The following CDHR2 variants were observed in gnomAD, a reference collection of about 807,000 sequenced individuals.
The protein encoded by CDHR2 is cadherin related family member 2, also known as cadherin-related family member 2.
Under a neutral mutation model 138.6 loss-of-function variants are expected in CDHR2, and 104 were observed. The ratio of observed to expected loss-of-function variants is 0.75; its 90% confidence interval spans 0.64 to 0.88. CDHR2 has a LOEUF of 0.88. CDHR2 is among the 40% of genes least tolerant of loss of function. CDHR2 has a pLI of 0.00. For synonymous variants in CDHR2, 755 were observed against 742.8 expected, an observed-to-expected ratio of 1.02 and a Z score of -0.27; for missense variants, 1,624 against 1,727.6, an observed-to-expected ratio of 0.94 and a Z score of 1.06.
Position 176,581,515 on chromosome 5 carries a change from CAG to C in CDHR2, c.1992_1993del (p.Val665AlafsTer4). The C allele has an allele frequency of 1.2e-6, 2 of 1,614,178 alleles. No individual in the cohort carries two copies. Among genetic ancestry groups the C allele is most frequent in the Non-Finnish European group, 1.7e-6 (2 of 1,180,034 alleles). The stretch of plus-strand genomic sequence containing the variant: ...GCCCTGGAGGGCCGCATTGTGCTGA[CAG>C]TGCTTGTGTCTGACTGCGGCGAGCC... On this transcript the variant is annotated frameshift_variant, in exon 17 of 32. Coordinates refer to ENST00000261944, the MANE Select transcript of CDHR2 (RefSeq NM_017675.6). LOFTEE classifies it high-confidence loss of function.
intron 15 of CDHR2, 63 bp from the exon 16 acceptor site, chr5:176,578,302 T>G: frequency 6.7e-7 from 1 of 1,490,348 alleles, no homozygotes; most frequent in Non-Finnish European, 9.2e-7. Context: ...GTTGTATATC[T>G]GAAATTCACA....
At chr5:176,564,548 G>C (rs551944009) in intron 1 of CDHR2, among the ~76,000 whole-genome samples, 1 of 152,198 alleles carries the variant, frequency 6.6e-6, no homozygotes, top group African/African-American at 2.4e-5. Context: ...GTGAATCAAA[G>C]TCCCCCTTTT....
chr5:176,568,749 A>G lies in CDHR2; in HGVS notation c.196A>G (p.Asn66Asp). Residue 66 changes from asparagine to aspartate, a missense_variant, in exon 4 of 32, where the codon AAT becomes GAT. Coordinates refer to ENST00000261944, the MANE Select transcript of CDHR2 (RefSeq NM_017675.6). The part of the protein sequence containing the change: ...DPLTYGMSGP[N>D]AYFFAVTPKT... ...TCTGACCTATGGGATGAGCGGCCCC[A>G]ATGCCTACTTCTTCGCTGTCACTCC... 1.2e-6 allele frequency: 2 copies of G among 1,614,180 alleles called. No homozygotes were observed. Among genetic ancestry groups the G allele is most frequent in the Non-Finnish European group, 1.7e-6 (2 of 1,180,018 alleles).
intron 1 of CDHR2, among the ~76,000 whole-genome samples, chr5:176,557,568 T>C (rs2113263070): frequency 6.7e-6 from 1 of 148,702 alleles, no homozygotes; most frequent in East Asian, 2.0e-4. Flanking sequence ...AGATTTTTTT[T>C]TTTTTTTTTT....
At chr5:176,545,463 A>C (rs1224918817), upstream of CDHR2, among the ~76,000 whole-genome samples, 1 of 152,222 alleles carries the variant, frequency 6.6e-6, no homozygotes, top group East Asian at 1.9e-4. Context: ...CTGATTAAAA[A>C]AAATTTTAAG....
chr5:176,574,153 T>G lies in CDHR2; in HGVS notation c.476T>G (p.Val159Gly). 6 of 1,613,656 alleles carry G rather than the reference T, an allele frequency of 3.7e-6. No homozygotes were observed. Among genetic ancestry groups the G allele is most frequent in the Non-Finnish European group, 5.1e-6 (6 of 1,179,698 alleles). Residue 159 changes from valine (V) to glycine (G), a missense_variant, in exon 7 of 32, where the codon GTC (valine) becomes GGC (glycine). Around this residue, in one of 3 missense-constraint regions of CDHR2, gnomAD observed 1,061 missense variants for 1,136.6 expected, o/e 0.93. Transcript: ENST00000261944. The stretch of plus-strand genomic sequence containing the variant: ...AAAGACATGGGGTCTGCAGGCATGG[T>G]CGTGTACTCCATAGAGAAGGTGAGT... ...VDKDMGSAGM[V>G]VYSIEKVIPS... is the part of the protein sequence containing the mutation.
Position 176,576,137 on chromosome 5 carries a change from C to T in CDHR2, c.1146C>T (p.Pro382=), listed in dbSNP as rs537721550. Residue 382 remains proline (P), a synonymous_variant, in exon 12 of 32, where the codon CCC becomes CCT. Transcript: ENST00000261944. The surrounding 1 kb of genome is among the most constrained non-coding windows in gnomAD (Gnocchi z 4.5). ...FTGYVDEHAS[P]RIPIDDLTMV... ...GCTACGTGGACGAGCATGCCTCCCC[C>T]CGCATCCCCATCGATGACCTCACCA... 2.7e-5 allele frequency: 44 copies of T among 1,614,050 alleles called. 1 individual carries two copies. Among genetic ancestry groups the T allele is most frequent in the South Asian group, 2.3e-4 (21 of 91,086 alleles).
chr5:176,561,357 A>G (rs1757964116), intron 1 of CDHR2, among the ~76,000 whole-genome samples: 1 of 151,960 alleles, frequency 6.6e-6, no homozygotes, highest in African/African-American at 2.4e-5. Context: ...GGTTGCAGTG[A>G]CTCACTGGCT....
At chr5:176,588,440 T>A (rs888629751) in intron 21 of CDHR2, among the ~76,000 whole-genome samples, 4 of 129,208 alleles carry the variant, frequency 3.1e-5, no homozygotes, top group Admixed American at 2.5e-4. Flanking sequence ...TCAGGATAAG[T>A]GTGTGAGTGT....
intron 16 of CDHR2, among the ~76,000 whole-genome samples, chr5:176,580,748 G>A (rs1423664057): frequency 6.8e-6 from 1 of 146,578 alleles, no homozygotes; most frequent in Admixed American, 6.8e-5. Flanking sequence ...GTGGTGGTGG[G>A]TGCCTGTAAT....
chr5:176,549,886 A>G lies in CDHR2; in HGVS notation c.-16+472A>G, dbSNP rs1478301406. Among the ~76,000 whole-genome samples the G allele has an allele frequency of 2.6e-5, 4 of 152,334 alleles. No individual in the cohort carries two copies. The East Asian group carries it at 7.7e-4, about 29-fold the overall frequency. The stretch of plus-strand genomic sequence containing the variant: ...TCATTTATCAAATGGGGATGAGAAG[A>G]GTTCCAGAAAGGGCCTGAAAAGCCC... On this transcript the variant is annotated intron_variant, in intron 1 of 31. Transcript: ENST00000261944.
chr5:176,552,642 G>C (rs1178186096), intron 1 of CDHR2, among the ~76,000 whole-genome samples: 2 of 152,234 alleles, frequency 1.3e-5, no homozygotes, highest in Admixed American at 6.5e-5. Context: ...TTTTCCCCAA[G>C]TGACTGAATC....
chr5:176,592,693 A>C, intron 30 of CDHR2, 30 bp from the exon 31 acceptor site: 1 of 1,610,796 alleles, frequency 6.2e-7, no homozygotes. Context: ...TGGGCCTGCC[A>C]ACACCTGAGC....
rs911556332 is a variant in CDHR2 at position 176,553,298 on chromosome 5, C to T, written c.-16+3884C>T. ...GTTCTGCCCATTACTGGCTGGGCCG[C>T]GCCCTTTCCCCTCTTGGACGTCAGT... is the stretch of plus-strand genomic sequence containing the variant. On this transcript the variant is annotated intron_variant, in intron 1 of 31. Transcript: ENST00000261944. The surrounding 1 kb of genome is among the most constrained non-coding windows in gnomAD (Gnocchi z 4.3). Among the ~76,000 whole-genome samples the T allele has an allele frequency of 2.0e-5, 3 of 152,340 alleles. No homozygotes were observed. The highest frequency in any genetic ancestry group is 2.9e-5 in the Non-Finnish European group (2 of 68,026).
rs147054768 is a variant in CDHR2, at chr5:176,584,966, G to A, written c.2685G>A (p.Arg895=). 6.4e-7 allele frequency: 1 copy of A among 1,564,322 alleles called. No individual in the cohort carries two copies. Among genetic ancestry groups the A allele is most frequent in the Middle Eastern group, 1.7e-4 (1 of 5,996 alleles). ...EACDLVTLVV[R]ACDLATDPGF... ...GTGACCTGGTCACGCTGGTTGTGCG[G>A]GCCTGTGACCTAGCCACGGACCCCG... is the stretch of plus-strand genomic sequence containing the variant. Residue 895 remains arginine (R), a synonymous_variant, in exon 19 of 32, where the codon CGG becomes CGA. Transcript: ENST00000261944.
At chr5:176,594,879 C>T (rs898651577) in intron 31 of CDHR2, among the ~76,000 whole-genome samples, 1 of 151,988 alleles carries the variant, frequency 6.6e-6, no homozygotes, top group Non-Finnish European at 1.5e-5. Flanking sequence ...TGTCGCATGG[C>T]GAGGTGGAAG....
intron 12 of CDHR2, among the ~76,000 whole-genome samples, chr5:176,577,058 C>T (rs1207325497): frequency 4.3e-5 from 5 of 116,614 alleles, no homozygotes; most frequent in Admixed American, 2.2e-4. Context: ...AGTGGGGTGA[C>T]GTAGGGTGTG....
intron 17 of CDHR2, among the ~76,000 whole-genome samples, chr5:176,583,655 C>T (rs569672994): frequency 6.6e-6 from 1 of 152,162 alleles, no homozygotes; most frequent in African/African-American, 2.4e-5. Context: ...GTGTCTGAGG[C>T]AGGAGCAGGT....
At chr5:176,567,983 C>T (rs1378998266) in intron 3 of CDHR2, among the ~76,000 whole-genome samples, 3 of 152,206 alleles carry the variant, frequency 2.0e-5, no homozygotes, top group Admixed American at 6.5e-5. Flanking sequence ...TATCAGGGGA[C>T]GTAGGCTCCC....
Sources: allele counts gnomAD v4.1 joint callset (sites outside exome capture counted in the v4.1 genomes callset), GRCh38; gene constraint gnomAD v4.1.1; regional missense constraint gnomAD v4.1.1; non-coding constraint Gnocchi (gnomAD v3.1); transcripts MANE v1.5; gene names NCBI Gene and HGNC (gene_info 2026-07-23, HGNC 2026-07-21).